The following PRKRIP1 variants were observed in gnomAD, a reference collection of about 807,000 sequenced individuals.
PRKRIP1 encodes the protein PRKR-interacting protein 1.
Under a neutral mutation model 29.3 loss-of-function variants are expected in PRKRIP1, and 29 were observed. That is an observed-to-expected ratio of 0.99 (90% CI 0.74 to 1.35). PRKRIP1 has a LOEUF of 1.35. Among genes scored for constraint, PRKRIP1 ranks in the 40% most tolerant of loss-of-function variants. The probability of loss-of-function intolerance (pLI) is 0.00; values close to 1 mark genes in which losing one functional copy is unlikely to be tolerated. For missense variants in PRKRIP1, 247 were observed against 236.8 expected (o/e 1.04, Z -0.28); for synonymous variants, 90 against 85.1 (o/e 1.06, Z -0.32).
chr7:102,415,516 G>A (rs1224062142), intron 5 of PRKRIP1, among the ~76,000 whole-genome samples: 5 of 152,354 alleles, frequency 3.3e-5, no homozygotes, highest in East Asian at 1.9e-4. Context: ...GATTACAGGC[G>A]TGAGCCACCG....
chr7:102,425,366 C>G lies in PRKRIP1; in HGVS notation c.*255C>G, dbSNP rs1554574329. 3.3e-6 allele frequency: 2 copies of G among 601,924 alleles called. No homozygotes were observed. Among genetic ancestry groups the G allele is most frequent in the Non-Finnish European group, 2.8e-6 (1 of 357,388 alleles). 37.3% of individuals were successfully genotyped at this position (601,924 alleles called of 1,614,324 possible). A position where few individuals can be genotyped will look rare whatever the true frequency, so the allele number is the denominator to read the frequency against. ...GGTAAAGGGGGACAGAGAGCCTCACCTTGCCACATATTTGAACAGTGATGA... is the reference window on the plus strand; with the variant it reads ...GGTAAAGGGGGACAGAGAGCCTCACGTTGCCACATATTTGAACAGTGATGA... On this transcript the variant is annotated 3_prime_UTR_variant, in exon 6 of 6. Transcript: ENST00000397912.
chr7:102,420,305 T>C (rs575844721), intron 5 of PRKRIP1, among the ~76,000 whole-genome samples: 51 of 152,334 alleles, frequency 3.3e-4, no homozygotes, highest in Non-Finnish European at 7.1e-4. Context: ...ACTGCCAAAC[T>C]GTCTTGCAAA....
chr7:102,425,950 G>A lies in PRKRIP1; in HGVS notation c.*839G>A, dbSNP rs1796819569. 6.5e-6 allele frequency: 1 copy of A among 153,120 alleles called. No individual in the cohort carries two copies. Among genetic ancestry groups the A allele is most frequent in the Non-Finnish European group, 1.5e-5 (1 of 68,312 alleles). The allele number at this position is 153,120 out of a possible 1,614,324, so 9.5% of individuals were successfully genotyped here. ...TGAGAGAGGCGGGACTGGGTCAAGT[G>A]GGTGGAGCTCCTCCTTGCATGACTG... On this transcript the variant is annotated 3_prime_UTR_variant, in exon 6 of 6. Transcript: ENST00000397912.
At chr7:102,396,607 C>T (rs1392660042) in intron 1 of PRKRIP1, 70 bp downstream of exon 1, 13 of 1,517,534 alleles carry the variant, frequency 8.6e-6, no homozygotes, top group African/African-American at 2.9e-5. Context: ...TTCAGGGTTC[C>T]CGCAGGTCCA....
rs1272539574 is a variant in PRKRIP1 at position 102,404,583 on chromosome 7, T to G, written c.307-15T>G. 1.2e-6 allele frequency: 2 copies of G among 1,609,436 alleles called. No homozygotes were observed. Among genetic ancestry groups the G allele is most frequent in the Non-Finnish European group, 1.7e-6 (2 of 1,176,196 alleles). ...CAGACCAGAGCGTGTCTAAATGATGTGGGTTTTGTTGCAGCAAAAATTGGA... is the reference window on the plus strand; with the variant it reads ...CAGACCAGAGCGTGTCTAAATGATGGGGGTTTTGTTGCAGCAAAAATTGGA... On this transcript the variant is annotated splice_polypyrimidine_tract_variant and intron_variant, in intron 3 of 5. Transcript: ENST00000397912.
At chr7:102,413,348 A>G (rs1366389832) in intron 5 of PRKRIP1, among the ~76,000 whole-genome samples, 1 of 152,228 alleles carries the variant, frequency 6.6e-6, no homozygotes, top group East Asian at 1.9e-4. Flanking sequence ...TTTCTTTCAG[A>G]GCCAAAATCC....
intron 3 of PRKRIP1, among the ~76,000 whole-genome samples, chr7:102,403,829 A>G (rs1796135525): frequency 6.6e-6 from 1 of 152,206 alleles, no homozygotes; most frequent in Non-Finnish European, 1.5e-5. Context: ...GTGTGTGCTT[A>G]GCAGCAGGTC....
intron 5 of PRKRIP1, among the ~76,000 whole-genome samples, chr7:102,416,736 G>T (rs1340409261): frequency 6.7e-6 from 1 of 150,314 alleles, no homozygotes; most frequent in Non-Finnish European, 1.5e-5. Context: ...CTGGAGTACA[G>T]TGGCACCATC....
chr7:102,417,300 C>T (rs554256916), intron 5 of PRKRIP1, among the ~76,000 whole-genome samples: 12 of 152,152 alleles, frequency 7.9e-5, no homozygotes, highest in African/African-American at 2.7e-4. Flanking sequence ...CCTTCCTGTA[C>T]GTTACTCTGT....
intron 3 of PRKRIP1, among the ~76,000 whole-genome samples, chr7:102,400,791 T>A (rs1349167247): frequency 6.6e-6 from 1 of 152,034 alleles, no homozygotes; most frequent in Admixed American, 6.6e-5. Context: ...ACAACCCCCA[T>A]GCCTGGCTAA....
At chr7:102,423,489 C>T (rs1458425380) in intron 5 of PRKRIP1, 5 of 237,004 alleles carry the variant, frequency 2.1e-5, no homozygotes, top group African/African-American at 9.4e-5. Context: ...GGGTCCCTGT[C>T]TTAGTGAATA....
At chr7:102,413,421 A>G (rs886923581) in intron 5 of PRKRIP1, among the ~76,000 whole-genome samples, 11 of 152,218 alleles carry the variant, frequency 7.2e-5, no homozygotes, top group African/African-American at 1.2e-4. Context: ...GAGATACTCT[A>G]TGATCATTTT....
chr7:102,402,246 C>T (rs1796092457), intron 3 of PRKRIP1, among the ~76,000 whole-genome samples: 1 of 152,020 alleles, frequency 6.6e-6, no homozygotes, highest in East Asian at 1.9e-4. Context: ...AGTTTGAACC[C>T]AGGCAACGTG....
intron 4 of PRKRIP1, among the ~76,000 whole-genome samples, chr7:102,407,149 A>C (rs1168993449): frequency 6.6e-6 from 1 of 151,904 alleles, no homozygotes; most frequent in Non-Finnish European, 1.5e-5. Context: ...CAGGAGGCAG[A>C]GCTTGCAGTG....
At chr7:102,402,006 T>A (rs1197591859) in intron 3 of PRKRIP1, among the ~76,000 whole-genome samples, 5 of 152,228 alleles carry the variant, frequency 3.3e-5, no homozygotes, top group African/African-American at 1.2e-4. Flanking sequence ...TCCTGGCCCC[T>A]GGGTGTTGGT....
At chr7:102,399,885 C>T (rs1231119912) in intron 3 of PRKRIP1, among the ~76,000 whole-genome samples, 1 of 151,862 alleles carries the variant, frequency 6.6e-6, no homozygotes, top group Non-Finnish European at 1.5e-5. Flanking sequence ...CTTGTAATCC[C>T]AGCTACTCAG....
intron 4 of PRKRIP1, among the ~76,000 whole-genome samples, chr7:102,407,231 G>A (rs1419350469): frequency 2.0e-5 from 3 of 150,928 alleles, no homozygotes; most frequent in African/African-American, 2.4e-5. Context: ...AAAAAAAAAA[G>A]AAGATATTCC....
intron 3 of PRKRIP1, among the ~76,000 whole-genome samples, chr7:102,402,796 G>T (rs1406208420): frequency 6.6e-6 from 1 of 152,154 alleles, no homozygotes; most frequent in Non-Finnish European, 1.5e-5. Flanking sequence ...GCCTCTGCCA[G>T]GTGCGGCAGC....
In PRKRIP1 at chr7:102,396,520, C is replaced by T. The variant is rs1453242082; in HGVS notation, c.109C>T (p.Arg37Trp). 9 of 1,608,942 alleles carry T rather than the reference C, an allele frequency of 5.6e-6. No homozygotes were observed. Among genetic ancestry groups the T allele is most frequent in the South Asian group, 1.1e-5 (1 of 90,924 alleles). The change falls in exon 1 of 6, where the codon CGG (arginine) becomes TGG (tryptophan). Residue 37 changes from arginine (R) to tryptophan (W), a missense_variant. Arg to Trp is a moderately radical substitution (Grantham distance 101). This residue lies in a region of PRKRIP1 where 105 missense variants were observed against 80.2 expected (regional missense o/e 1.31). Transcript: ENST00000397912. ...AAEEQKLKLE[R>W]LMKNPDKAVP... ...GGAGGAGCAGAAGCTCAAGCTGGAGCGGCTCATGAAGAACCCGGTGAGACG... is the reference window on the plus strand; with the variant it reads ...GGAGGAGCAGAAGCTCAAGCTGGAGTGGCTCATGAAGAACCCGGTGAGACG...
Sources: allele counts gnomAD v4.1 joint callset (sites outside exome capture counted in the v4.1 genomes callset), GRCh38; gene constraint gnomAD v4.1.1; regional missense constraint gnomAD v4.1.1; transcripts MANE v1.5; gene names NCBI Gene and HGNC (gene_info 2026-07-23, HGNC 2026-07-21).